Variants in TSPAN11 observed in about 807,000 individuals in gnomAD.
TSPAN11 encodes tetraspanin 11.
Under a neutral mutation model 32.9 loss-of-function variants are expected in TSPAN11, and 29 were observed. The ratio of observed to expected loss-of-function variants is 0.88; its 90% confidence interval spans 0.66 to 1.20. TSPAN11 has a LOEUF of 1.20. Ranked by LOEUF, TSPAN11 falls within the 50% of genes most tolerant of loss-of-function variation. The probability of loss-of-function intolerance (pLI) is 0.00; values close to 1 mark genes in which losing one functional copy is unlikely to be tolerated. For synonymous variants in TSPAN11, 140 were observed against 141.3 expected (o/e 0.99, Z 0.07); for missense variants, 283 against 329.1 (o/e 0.86, Z 1.08).
At chr12:30,977,177 C>T (rs758752151) in intron 3 of TSPAN11, among the ~76,000 whole-genome samples, 1 of 152,222 alleles carries the variant, frequency 6.6e-6, no homozygotes, top group Non-Finnish European at 1.5e-5. Flanking sequence ...TTCCTTAATC[C>T]CTGCCCATGC....
rs528886690 is a variant in TSPAN11, at chr12:30,993,272, G to C, written c.*1357G>C. ...CCTTGTGCTAAGGCCAAGGCTGAGC[G>C]AGGTCCCAGCTCACCTCCCTGCTTG... On this transcript the variant is annotated 3_prime_UTR_variant, in exon 8 of 8. Transcript: ENST00000546076. 1 of 152,278 alleles carries C rather than the reference G, an allele frequency of 6.6e-6. No homozygotes were observed. The highest frequency in any genetic ancestry group is 1.5e-5 in the Non-Finnish European group (1 of 68,076). 9.4% of individuals were successfully genotyped at this position (152,278 alleles called of 1,614,324 possible).
intron 4 of TSPAN11, 74 bp downstream of exon 4, chr12:30,978,709 T>C (rs1432756817): frequency 6.7e-7 from 1 of 1,500,638 alleles, no homozygotes; most frequent in South Asian, 1.1e-5. Flanking sequence ...AGGTTTGCAT[T>C]GTGATGAGGG....
In TSPAN11 at chr12:30,966,812, CAG is replaced by C. The variant is rs1488058655; in HGVS notation, c.276+2796_276+2797del. ...TAGCCCGGAACCCTAGGGCAAGAGA[CAG>C]GGGTGTAGTGAGGGGACCCTAGAAG... On this transcript the variant is annotated intron_variant, in intron 3 of 7. Coordinates refer to ENST00000546076, the MANE Select transcript of TSPAN11 (RefSeq NM_001370302.1). Among the ~76,000 whole-genome samples the C allele has an allele frequency of 1.2e-4, 18 of 152,350 alleles. No homozygotes were observed. In the East Asian group the frequency reaches 3.1e-3, roughly 26 times the overall value.
intron 2 of TSPAN11, among the ~76,000 whole-genome samples, chr12:30,957,949 G>A (rs1262685637): frequency 6.7e-6 from 1 of 149,364 alleles, no homozygotes; most frequent in Admixed American, 6.8e-5. Flanking sequence ...GTTTAATCAA[G>A]AGGCTAAAAG....
At chr12:30,973,499 G>A (rs1301880747) in intron 3 of TSPAN11, among the ~76,000 whole-genome samples, 1 of 152,252 alleles carries the variant, frequency 6.6e-6, no homozygotes, top group South Asian at 2.1e-4. Flanking sequence ...TTGCTGGAAG[G>A]GATGCCTGTC....
the TSPAN11 span, among the ~76,000 whole-genome samples, chr12:31,003,434 CA>C: frequency 3.9e-5 from 6 of 152,280 alleles, no homozygotes; most frequent in African/African-American, 1.2e-4. Flanking sequence ...TGCAAACGGA[CA>C]GATGAGCTGG....
At chr12:31,004,220 C>T in the TSPAN11 span, among the ~76,000 whole-genome samples, 1 of 152,174 alleles carries the variant, frequency 6.6e-6, no homozygotes, top group Non-Finnish European at 1.5e-5. Context: ...ACTAGACCAG[C>T]CTCAGTTCTG....
At chr12:30,971,294 A>C (rs534577633) in intron 3 of TSPAN11, among the ~76,000 whole-genome samples, 1 of 152,332 alleles carries the variant, frequency 6.6e-6, no homozygotes, top group South Asian at 2.1e-4. Flanking sequence ...CCAATGGAGA[A>C]ATTTTGAAAT....
At chr12:30,998,581 T>A (rs1438483315), downstream of TSPAN11, among the ~76,000 whole-genome samples, 1 of 152,174 alleles carries the variant, frequency 6.6e-6, no homozygotes, top group Non-Finnish European at 1.5e-5. Flanking sequence ...AAGGGGAGGA[T>A]CCTGCCGGGC....
chr12:30,983,462 T>A (rs1442447541), intron 7 of TSPAN11, among the ~76,000 whole-genome samples: 3 of 152,160 alleles, frequency 2.0e-5, no homozygotes, highest in African/African-American at 7.2e-5. Context: ...GGGGTGAGCG[T>A]GCAAGCCATC....
At position 30,982,968 on chromosome 12, in the gene TSPAN11, C is replaced by T. The variant is rs1487852652; in HGVS notation, c.616-96C>T. On this transcript the variant is annotated intron_variant, in intron 6 of 7. Transcript: ENST00000546076. ...TGGGTCCAGCCTGTGAGTCCTCTGGCCAGTCCTCAGCCTCTGCTGCAGTGA... is the reference window on the plus strand; with the variant it reads ...TGGGTCCAGCCTGTGAGTCCTCTGGTCAGTCCTCAGCCTCTGCTGCAGTGA... 55 of 1,354,166 alleles carry T rather than the reference C, an allele frequency of 4.1e-5. No homozygotes were observed. In the East Asian group the frequency reaches 5.6e-4, roughly 14 times the overall value. 83.9% of individuals were successfully genotyped at this position (1,354,166 alleles called of 1,614,324 possible). A position where few individuals can be genotyped will look rare whatever the true frequency, so the allele number is the denominator to read the frequency against.
chr12:30,941,855 A>G (rs555317409), intron 1 of TSPAN11, among the ~76,000 whole-genome samples: 87 of 152,362 alleles, frequency 5.7e-4, no homozygotes, highest in Admixed American at 1.5e-3. Flanking sequence ...CATCTTGTTG[A>G]AAACAGAGAT....
chr12:30,940,407 A>G (rs1486022856), intron 1 of TSPAN11, among the ~76,000 whole-genome samples: 1 of 152,182 alleles, frequency 6.6e-6, no homozygotes, highest in Non-Finnish European at 1.5e-5. Flanking sequence ...ATCAGATAAT[A>G]TAGCTAAGGG....
intron 1 of TSPAN11, among the ~76,000 whole-genome samples, chr12:30,941,740 T>G (rs1189272512): frequency 6.6e-6 from 1 of 152,240 alleles, no homozygotes; most frequent in African/African-American, 2.4e-5. Context: ...GCCCTGCTGG[T>G]GCTGCCTCCT....
chr12:30,999,917 C>T (rs1356893811), downstream of TSPAN11, among the ~76,000 whole-genome samples: 4 of 152,072 alleles, frequency 2.6e-5, no homozygotes, highest in African/African-American at 9.7e-5. Context: ...CGCTGGCTCT[C>T]GGCTATCTGA....
the TSPAN11 span, among the ~76,000 whole-genome samples, chr12:31,006,312 C>T: frequency 6.6e-6 from 1 of 152,226 alleles, no homozygotes; most frequent in Admixed American, 6.5e-5. Context: ...GTGGTCCAGG[C>T]CTGATCAGTG....
At chr12:30,966,460 C>T (rs1445510551) in intron 3 of TSPAN11, among the ~76,000 whole-genome samples, 2 of 152,242 alleles carry the variant, frequency 1.3e-5, no homozygotes, top group African/African-American at 4.8e-5. Context: ...GGCATGCAGT[C>T]TGCCTCCAAG....
chr12:30,953,050 C>A (rs904873055), intron 1 of TSPAN11, among the ~76,000 whole-genome samples: 1 of 152,174 alleles, frequency 6.6e-6, no homozygotes, highest in Non-Finnish European at 1.5e-5. Context: ...GCCTGTATCA[C>A]CACCATTGAT....
chr12:30,992,008 G>C lies in TSPAN11; in HGVS notation c.*93G>C. The stretch of plus-strand genomic sequence containing the variant: ...TGCAGAGTTAGCACCAGCTCCACTA[G>C]GGCCATAGATGCCCCCTCCTTTGTG... On this transcript the variant is annotated 3_prime_UTR_variant, in exon 8 of 8. Coordinates refer to ENST00000546076, the MANE Select transcript of TSPAN11 (RefSeq NM_001370302.1). 2 of 1,404,676 alleles carry C rather than the reference G, an allele frequency of 1.4e-6. No individual in the cohort carries two copies. Among genetic ancestry groups the C allele is most frequent in the Non-Finnish European group, 2.0e-6 (2 of 993,210 alleles). 87.0% of individuals were successfully genotyped at this position (1,404,676 alleles called of 1,614,324 possible).
Sources: gnomAD v4.1 joint callset for allele counts (sites outside exome capture counted in the v4.1 genomes callset) on GRCh38, gnomAD v4.1.1 for gene constraint, MANE v1.5 for transcripts, NCBI Gene and HGNC (gene_info 2026-07-23, HGNC 2026-07-21) for gene names.